KCNC1: variants seen among roughly 807,000 people sequenced by gnomAD.
KCNC1 encodes voltage-gated potassium channel KCNC1.
KCNC1 carries 8 observed loss-of-function variants against 43.4 expected under a neutral mutation model. The ratio of observed to expected loss-of-function variants is 0.18; its 90% CI spans 0.11 to 0.33. The LOEUF (loss-of-function observed/expected upper bound fraction) is 0.33, where lower values mean the gene tolerates loss of function less well. KCNC1 is among the 10% of genes least tolerant of loss of function. The pLI, the probability that KCNC1 is intolerant of heterozygous loss-of-function variation, is 1.00. For synonymous variants in KCNC1, 361 were observed against 360.5 expected (o/e 1.00, Z -0.01); for missense variants, 420 against 836.0 (o/e 0.50, Z 6.14).
In KCNC1 at chr11:17,773,222, A is replaced by G; in HGVS notation, c.1504+624A>G. Reference sequence around the variant, plus strand: ...CAGGAGACGCCTGTAGCCCTCCGTGACAAGCTTACTTACCCCATAGCATGC... The same window carrying G: ...CAGGAGACGCCTGTAGCCCTCCGTGGCAAGCTTACTTACCCCATAGCATGC... On this transcript the variant is annotated intron_variant, in intron 2 of 3. Coordinates refer to ENST00000265969, the MANE Select transcript of KCNC1 (RefSeq NM_001112741.2). This position sits in a 1 kb window ranked among gnomAD's most constrained non-coding sequence, Gnocchi z 4.1. 1.0e-6 allele frequency: 1 copy of G among 985,938 alleles called. No homozygotes were observed. The highest frequency in any genetic ancestry group is 4.7e-5 in the South Asian group (1 of 21,264). The allele number at this position is 985,938 out of a possible 1,614,324, so 61.1% of individuals were successfully genotyped here.
chr11:17,775,040 C>A, intron 2 of KCNC1: 1 of 985,416 alleles, frequency 1.0e-6, no homozygotes, highest in Non-Finnish European at 1.2e-6. Flanking sequence ...CAGCCATGCA[C>A]CTAGATGGGC....
In KCNC1 at chr11:17,776,296, C is replaced by T; in HGVS notation, c.1505-3160C>T. ...TCCCTGCTCGTGTCTCACAGACTGT[C>T]CCCATTTAGCCTGAGACTTTTTTCC... On this transcript the variant is annotated intron_variant, in intron 2 of 3. Coordinates refer to ENST00000265969, the MANE Select transcript of KCNC1 (RefSeq NM_001112741.2). The surrounding 1 kb of genome is among the most constrained non-coding windows in gnomAD (Gnocchi z 4.4). 1.0e-6 allele frequency: 1 copy of T among 985,394 alleles called. No individual in the cohort carries two copies. The highest frequency in any genetic ancestry group is 1.2e-6 in the Non-Finnish European group (1 of 829,952). 61.0% of individuals were successfully genotyped at this position (985,394 alleles called of 1,614,324 possible). A position where few individuals can be genotyped will look rare whatever the true frequency, so the allele number is the denominator to read the frequency against.
In KCNC1 at chr11:17,776,695, G is replaced by T; in HGVS notation, c.1505-2761G>T. 6 of 985,338 alleles carry T rather than the reference G, an allele frequency of 6.1e-6. No homozygotes were observed. Among genetic ancestry groups the T allele is most frequent in the South Asian group, 9.4e-5 (2 of 21,276 alleles). 61.0% of individuals were successfully genotyped at this position (985,338 alleles called of 1,614,324 possible). A position where few individuals can be genotyped will look rare whatever the true frequency, so the allele number is the denominator to read the frequency against. On this transcript the variant is annotated intron_variant, in intron 2 of 3. Coordinates refer to ENST00000265969, the MANE Select transcript of KCNC1 (RefSeq NM_001112741.2). This position sits in a 1 kb window ranked among gnomAD's most constrained non-coding sequence, Gnocchi z 4.4. ...CAGGGCCCCCAGCCTCTGGAAAGCA[G>T]GTGGGAATGGAGGCTCCTAGCCACT... is the stretch of plus-strand genomic sequence containing the variant.
intron 1 of KCNC1, among the ~76,000 whole-genome samples, chr11:17,763,520 TGC>T (rs1849101414): frequency 7.2e-6 from 1 of 139,130 alleles, no homozygotes; most frequent in South Asian, 2.3e-4. Context: ...ACGCACGCAA[TGC>T]ACACACCCAC....
In KCNC1 at chr11:17,781,839, G is replaced by A. The variant is rs545851317; in HGVS notation, c.*105G>A. 2.5e-6 allele frequency: 2 copies of A among 789,932 alleles called. No individual in the cohort carries two copies. The highest frequency in any genetic ancestry group is 4.3e-6 in the Non-Finnish European group (2 of 470,250). 48.9% of individuals were successfully genotyped at this position (789,932 alleles called of 1,614,324 possible). ...TAAATTCACGCCATGCAGGTTTGCC[G>A]GACGAGTCCGAGTGGCCCAGGCATT... On this transcript the variant is annotated 3_prime_UTR_variant, in exon 4 of 4. Coordinates refer to ENST00000265969, the MANE Select transcript of KCNC1 (RefSeq NM_001112741.2). This position sits in a 1 kb window ranked among gnomAD's most constrained non-coding sequence, Gnocchi z 5.1.
chr11:17,744,429 C>T (rs1419022701), intron 1 of KCNC1, among the ~76,000 whole-genome samples: 1 of 152,212 alleles, frequency 6.6e-6, no homozygotes, highest in Admixed American at 6.5e-5. Context: ...TTCAGCCTGC[C>T]TCATCCTGTC....
chr11:17,746,811 C>T (rs1848904311), intron 1 of KCNC1, among the ~76,000 whole-genome samples: 1 of 152,160 alleles, frequency 6.6e-6, no homozygotes, highest in Non-Finnish European at 1.5e-5. Flanking sequence ...CTTGAACCAT[C>T]AGGCCTTCGA....
chr11:17,774,848 G>A, intron 2 of KCNC1: 1 of 985,454 alleles, frequency 1.0e-6, no homozygotes, highest in Non-Finnish European at 1.2e-6. Context: ...GGTGGTGTTG[G>A]TGCTGTCCTG....
rs1474138762 is a variant in KCNC1, at chr11:17,781,616, G to C, written c.1694-54G>C. ...TTCTTAAAAACTAAGTACCAAGCGG[G>C]ATGGGAGAGCCAAGAAGAGAAGCTC... On this transcript the variant is annotated intron_variant, in intron 3 of 3. Coordinates refer to ENST00000265969, the MANE Select transcript of KCNC1 (RefSeq NM_001112741.2). This position sits in a 1 kb window ranked among gnomAD's most constrained non-coding sequence, Gnocchi z 5.1. 1 of 1,241,388 alleles carries C rather than the reference G, an allele frequency of 8.1e-7. No individual in the cohort carries two copies. Among genetic ancestry groups the C allele is most frequent in the Non-Finnish European group, 1.2e-6 (1 of 866,234 alleles). The allele number at this position is 1,241,388 out of a possible 1,614,324, so 76.9% of individuals were successfully genotyped here. A position where few individuals can be genotyped will look rare whatever the true frequency, so the allele number is the denominator to read the frequency against.
At position 17,782,034 on chromosome 11, in the gene KCNC1, C is replaced by T; in HGVS notation, c.*300C>T. 2.7e-6 allele frequency: 1 copy of T among 375,572 alleles called. No individual in the cohort carries two copies. Among genetic ancestry groups the T allele is most frequent in the Non-Finnish European group, 4.7e-6 (1 of 210,646 alleles). 23.3% of individuals were successfully genotyped at this position (375,572 alleles called of 1,614,324 possible). A position where few individuals can be genotyped will look rare whatever the true frequency, so the allele number is the denominator to read the frequency against. On this transcript the variant is annotated 3_prime_UTR_variant, in exon 4 of 4. Coordinates refer to ENST00000265969, the MANE Select transcript of KCNC1 (RefSeq NM_001112741.2). ...AACAGAAAACCCAGCAAACCAAACC[C>T]ACCAACCCCCTGCAACTGTATGATT...
intron 1 of KCNC1, among the ~76,000 whole-genome samples, chr11:17,751,584 G>T (rs918433315): frequency 6.6e-6 from 1 of 152,212 alleles, no homozygotes; most frequent in Admixed American, 6.5e-5. Flanking sequence ...ACTGCCAGAT[G>T]CAGGAGGTGG....
At chr11:17,763,780 CCACACACACAATA>C in intron 1 of KCNC1, among the ~76,000 whole-genome samples, 1 of 143,074 alleles carries the variant, frequency 7.0e-6, no homozygotes, top group Non-Finnish European at 1.5e-5. Context: ...CCACACCACC[CCACACACACAATA>C]CACACACACA....
At chr11:17,767,753 G>A (rs1221836648) in intron 1 of KCNC1, among the ~76,000 whole-genome samples, 1 of 152,204 alleles carries the variant, frequency 6.6e-6, no homozygotes, top group African/African-American at 2.4e-5. Flanking sequence ...CGCCCAGGGA[G>A]CCTGAGCAGT....
rs1162611213 is a variant in KCNC1 at position 17,781,621 on chromosome 11, G to C, written c.1694-49G>C. 5.4e-6 allele frequency: 7 copies of C among 1,305,318 alleles called. No individual in the cohort carries two copies. The highest frequency in any genetic ancestry group is 1.8e-4 in the Middle Eastern group (1 of 5,528). 80.9% of individuals were successfully genotyped at this position (1,305,318 alleles called of 1,614,324 possible). Reference sequence around the variant, plus strand: ...AAAAACTAAGTACCAAGCGGGATGGGAGAGCCAAGAAGAGAAGCTCAAGTG... The same window carrying C: ...AAAAACTAAGTACCAAGCGGGATGGCAGAGCCAAGAAGAGAAGCTCAAGTG... On this transcript the variant is annotated intron_variant, in intron 3 of 3. Transcript: ENST00000265969. The surrounding 1 kb of genome is among the most constrained non-coding windows in gnomAD (Gnocchi z 5.1).
chr11:17,779,879 T>C lies in KCNC1; in HGVS notation c.1693+235T>C. The stretch of plus-strand genomic sequence containing the variant: ...CCTGGCAGCTGTGGGTTGCTGGGAG[T>C]TGAGAGGGGATTGGACAGGTTGACT... On this transcript the variant is annotated intron_variant, in intron 3 of 3. Transcript: ENST00000265969. The surrounding 1 kb of genome is among the most constrained non-coding windows in gnomAD (Gnocchi z 7.2). 1 of 398,570 alleles carries C rather than the reference T, an allele frequency of 2.5e-6. No individual in the cohort carries two copies. The highest frequency in any genetic ancestry group is 4.5e-6 in the Non-Finnish European group (1 of 224,084). The allele number at this position is 398,570 out of a possible 1,614,324, so 24.7% of individuals were successfully genotyped here. A position where few individuals can be genotyped will look rare whatever the true frequency, so the allele number is the denominator to read the frequency against.
chr11:17,779,776 T>C lies in KCNC1; in HGVS notation c.1693+132T>C. The C allele has an allele frequency of 1.4e-6, 1 of 711,478 alleles. No individual in the cohort carries two copies. The highest frequency in any genetic ancestry group is 2.1e-6 in the Non-Finnish European group (1 of 472,524). The allele number at this position is 711,478 out of a possible 1,614,324, so 44.1% of individuals were successfully genotyped here. A position where few individuals can be genotyped will look rare whatever the true frequency, so the allele number is the denominator to read the frequency against. On this transcript the variant is annotated intron_variant, in intron 3 of 3. Coordinates refer to ENST00000265969, the MANE Select transcript of KCNC1 (RefSeq NM_001112741.2). The surrounding 1 kb of genome is among the most constrained non-coding windows in gnomAD (Gnocchi z 7.2). ...CCGAGGGGGGCAAGGATGGAGGGAA[T>C]CTCCCAGGGTCGGCCCCTGGAGGGC... is the stretch of plus-strand genomic sequence containing the variant.
intron 1 of KCNC1, among the ~76,000 whole-genome samples, chr11:17,751,573 G>A (rs973988241): frequency 6.6e-6 from 1 of 152,228 alleles, no homozygotes; most frequent in African/African-American, 2.4e-5. Context: ...CAGAAAGTGG[G>A]ACTGCCAGAT....
chr11:17,763,553 A>C (rs1590102396), intron 1 of KCNC1, among the ~76,000 whole-genome samples: 4 of 125,208 alleles, frequency 3.2e-5, no homozygotes, highest in South Asian at 2.8e-4. Context: ...AGACCCCCAC[A>C]CCACCCCACA....
intron 1 of KCNC1, among the ~76,000 whole-genome samples, chr11:17,760,831 G>C (rs1008711650): frequency 3.6e-4 from 55 of 152,222 alleles, no homozygotes; most frequent in Admixed American, 2.0e-4. Flanking sequence ...CTCATCTAGA[G>C]AGTGACATGA....
Sources: gnomAD v4.1 joint callset for allele counts (sites outside exome capture counted in the v4.1 genomes callset) on GRCh38, gnomAD v4.1.1 for gene constraint, Gnocchi (gnomAD v3.1) non-coding constraint, MANE v1.5 for transcripts, NCBI Gene and HGNC (gene_info 2026-07-23, HGNC 2026-07-21) for gene names.